Variants in CYP2C18 observed in about 807,000 individuals in gnomAD.
CYP2C18 encodes cytochrome P450 2C18.
In CYP2C18, 38 loss-of-function variants were observed where a neutral mutation model predicts 41.3. The ratio of observed to expected loss-of-function variants is 0.92; its 90% CI spans 0.71 to 1.21. The LOEUF (loss-of-function observed/expected upper bound fraction) is 1.21, where lower values mean the gene tolerates loss of function less well. CYP2C18 is among the 50% of genes most tolerant of loss of function. The pLI is 0.00. For missense variants in CYP2C18, 635 were observed against 591.4 expected, an observed-to-expected ratio of 1.07 and a Z score of -0.77; for synonymous variants, 236 against 210.0, an observed-to-expected ratio of 1.12 and a Z score of -1.07.
At chr10:94,733,116 C>T (rs72816654) in intron 7 of CYP2C18, among the ~76,000 whole-genome samples, 181 bp from the exon 8 acceptor site, 26,819 of 151,942 alleles carry the variant, frequency 0.18, 2,606 homozygotes, top group South Asian at 0.33. Context: ...TCAGCAAAGT[C>T]ACTGCCACTT....
chr10:94,708,421 G>C (rs1302255235), intron 5 of CYP2C18, among the ~76,000 whole-genome samples: 1 of 152,258 alleles, frequency 6.6e-6, no homozygotes, highest in African/African-American at 2.4e-5. Context: ...TTTCCTTAAT[G>C]CTATGAATTG....
intron 4 of CYP2C18, among the ~76,000 whole-genome samples, chr10:94,703,137 C>A (rs1847276586): frequency 6.6e-6 from 1 of 152,156 alleles, no homozygotes; most frequent in Admixed American, 6.5e-5. Flanking sequence ...CAGCCAGATG[C>A]CACCCAGAGT....
chr10:94,733,265 A>G (rs1017469635), intron 7 of CYP2C18, 32 bp from the exon 8 acceptor site: 1 of 1,601,968 alleles, frequency 6.2e-7, no homozygotes, highest in African/African-American at 1.3e-5. Context: ...TGACTTCTTT[A>G]TAACTTAGTT....
intron 1 of CYP2C18, among the ~76,000 whole-genome samples, chr10:94,685,579 G>A (rs1264633523): frequency 6.6e-6 from 1 of 152,090 alleles, no homozygotes; most frequent in Non-Finnish European, 1.5e-5. Context: ...TCTTGTATAA[G>A]GGTGAGATTA....
intron 8 of CYP2C18, 104 bp from the exon 9 acceptor site, chr10:94,735,159 C>A: frequency 2.6e-6 from 3 of 1,169,166 alleles, no homozygotes; most frequent in South Asian, 1.4e-5. Context: ...TGCCTTCGAT[C>A]CATCCATCTA....
intron 3 of CYP2C18, among the ~76,000 whole-genome samples, chr10:94,690,231 T>C (rs188856859): frequency 6.6e-6 from 1 of 152,246 alleles, no homozygotes; most frequent in Non-Finnish European, 1.5e-5. Flanking sequence ...ATTTATCCTC[T>C]CCCCATCCAA....
chr10:94,729,995 C>G (rs1015440751), intron 7 of CYP2C18, among the ~76,000 whole-genome samples: 1 of 152,118 alleles, frequency 6.6e-6, no homozygotes, highest in East Asian at 1.9e-4. Context: ...ATGTTGAAAA[C>G]TAGTTGAGAA....
At chr10:94,699,431 C>A (rs552635086) in intron 4 of CYP2C18, among the ~76,000 whole-genome samples, 5 of 152,136 alleles carry the variant, frequency 3.3e-5, no homozygotes, top group Admixed American at 1.3e-4. Context: ...ATTCAACAAC[C>A]CTTCATGCTA....
chr10:94,688,801 G>A (rs746089431), intron 3 of CYP2C18, among the ~76,000 whole-genome samples: 12 of 152,122 alleles, frequency 7.9e-5, no homozygotes, highest in Admixed American at 2.0e-4. Context: ...AATTATTAAA[G>A]AGCAATGTTT....
intron 1 of CYP2C18, among the ~76,000 whole-genome samples, chr10:94,686,796 G>A (rs1215369488): frequency 6.6e-6 from 1 of 152,156 alleles, no homozygotes; most frequent in Non-Finnish European, 1.5e-5. Flanking sequence ...TGGTAAGGTA[G>A]AATCAAAATG....
At chr10:94,686,964 C>A (rs1381246004) in intron 1 of CYP2C18, among the ~76,000 whole-genome samples, 5 of 152,120 alleles carry the variant, frequency 3.3e-5, no homozygotes, top group Non-Finnish European at 5.9e-5. Flanking sequence ...CATTAAACGT[C>A]TTAAAAAAGC....
chr10:94,689,763 T>C (rs1267206999), intron 3 of CYP2C18, among the ~76,000 whole-genome samples: 1 of 152,218 alleles, frequency 6.6e-6, no homozygotes, highest in Non-Finnish European at 1.5e-5. Flanking sequence ...TTGCTCTGAA[T>C]ATTTTTTATT....
chr10:94,723,074 A>G (rs551345789), intron 6 of CYP2C18, among the ~76,000 whole-genome samples: 1 of 152,296 alleles, frequency 6.6e-6, no homozygotes, highest in South Asian at 2.1e-4. Context: ...TCACCTGTGA[A>G]GGATCAGGAA....
intron 4 of CYP2C18, among the ~76,000 whole-genome samples, chr10:94,696,946 A>G (rs894127226): frequency 1.8e-4 from 28 of 152,188 alleles, no homozygotes; most frequent in African/African-American, 6.8e-4. Flanking sequence ...AATAAGAAGA[A>G]ATGAACAAAG....
intron 3 of CYP2C18, among the ~76,000 whole-genome samples, chr10:94,693,093 A>T (rs568090372): frequency 6.6e-6 from 1 of 152,174 alleles, no homozygotes; most frequent in African/African-American, 2.4e-5. Context: ...CAGCACACCA[A>T]CATGGCACAC....
chr10:94,706,868 T>G lies in CYP2C18; in HGVS notation c.727T>G (p.Tyr243Asp). 6.2e-7 allele frequency: 1 copy of G among 1,611,188 alleles called. No homozygotes were observed. The highest frequency in any genetic ancestry group is 8.5e-7 in the Non-Finnish European group (1 of 1,177,738). ...TGAAAATTTTGCTTACATTAAAAGT[T>G]ATGTATTGGAGAGAATAAAAGAACA... ...IAENFAYIKSYVLERIKEHQE... is the reference protein window; with the variant it reads ...IAENFAYIKSDVLERIKEHQE... Residue 243 changes from tyrosine (Y) to aspartate (D), a missense_variant, in exon 5 of 9, where the codon TAT becomes GAT. Transcript: ENST00000285979.
At position 94,716,706 on chromosome 10, in the gene CYP2C18, G is replaced by A. The variant is rs146686911; in HGVS notation, c.820-3690G>A. Among the ~76,000 whole-genome samples, 707 of 152,264 alleles carry A rather than the reference G, an allele frequency of 4.6e-3. 3 individuals carry two copies. The highest frequency in any genetic ancestry group is 0.016 in the African/African-American group (684 of 41,566). ...TAGATGTCTATTAGATCTGCTTGGT[G>A]CAGAGCTGAGTTCAATTCCTGGATA... On this transcript the variant is annotated intron_variant, in intron 5 of 8. Coordinates refer to ENST00000285979, the MANE Select transcript of CYP2C18 (RefSeq NM_000772.3).
At chr10:94,701,070 A>C (rs1395706236) in intron 4 of CYP2C18, among the ~76,000 whole-genome samples, 1 of 152,236 alleles carries the variant, frequency 6.6e-6, no homozygotes, top group Non-Finnish European at 1.5e-5. Flanking sequence ...ATGATTCCTC[A>C]GTGATCTAGA....
rs143876573 is a variant in CYP2C18 at position 94,730,334 on chromosome 10, G to T, written c.1150-2963G>T. On this transcript the variant is annotated intron_variant, in intron 7 of 8. Transcript: ENST00000285979. ...GTTTTTTAAAAACATCCCTTTCAGT[G>T]TAACAGAACATTACCTAGTAAAATA... Among the ~76,000 whole-genome samples the T allele has an allele frequency of 7.2e-5, 11 of 152,162 alleles. No individual in the cohort carries two copies. The East Asian group carries it at 1.9e-3, about 27-fold the overall frequency.
Sources: gnomAD v4.1 joint callset for allele counts (sites outside exome capture counted in the v4.1 genomes callset) on GRCh38, gnomAD v4.1.1 for gene constraint, MANE v1.5 for transcripts, NCBI Gene and HGNC (gene_info 2026-07-23, HGNC 2026-07-21) for gene names.